CLGN: variants seen among roughly 807,000 people sequenced by gnomAD.
CLGN encodes calmegin.
A neutral mutation model predicts 79.1 loss-of-function variants in CLGN; 62 were observed. That is an observed-to-expected ratio of 0.78 (90% CI 0.64 to 0.97). The LOEUF (loss-of-function observed/expected upper bound fraction) is 0.97. Ranked by LOEUF, CLGN falls within the 50% of genes least tolerant of loss-of-function variation. The pLI is 0.00. For synonymous variants in CLGN, 225 were observed against 224.7 expected (o/e 1.00, Z -0.01); for missense variants, 647 against 715.5 (o/e 0.90, Z 1.09).
chr4:140,401,619 G>A (rs546360545), intron 6 of CLGN, among the ~76,000 whole-genome samples: 48 of 151,934 alleles, frequency 3.2e-4, no homozygotes, highest in African/African-American at 1.1e-3. Flanking sequence ...TTGGTTCTTC[G>A]GCCATTTTGT....
intron 1 of CLGN, 59 bp downstream of exon 1, chr4:140,427,478 C>G (rs938243732): frequency 6.6e-6 from 1 of 152,392 alleles, no homozygotes; most frequent in Admixed American, 6.5e-5. Flanking sequence ...CGCTTCCTCA[C>G]CCCAATCTGC....
At chr4:140,393,687 TA>T (rs1728817021) in intron 11 of CLGN, 138 bp downstream of exon 11, 3 of 716,752 alleles carry the variant, frequency 4.2e-6, no homozygotes, top group Non-Finnish European at 6.8e-6. Context: ...TACATAAACT[TA>T]TTCAAACACA....
intron 1 of CLGN, among the ~76,000 whole-genome samples, chr4:140,416,720 C>CAA (rs1729340353): frequency 6.6e-6 from 1 of 151,978 alleles, no homozygotes; most frequent in Non-Finnish European, 1.5e-5. Flanking sequence ...AGCTTACCAA[C>CAA]CAAAAAGAGT....
At chr4:140,424,829 T>G (rs1317850439) in intron 1 of CLGN, among the ~76,000 whole-genome samples, 1 of 152,242 alleles carries the variant, frequency 6.6e-6, no homozygotes, top group Non-Finnish European at 1.5e-5. Context: ...TTCTCTGCAC[T>G]GCTTCTGTGG....
At chr4:140,393,795 A>G in intron 11 of CLGN, 31 bp downstream of exon 11, 1 of 1,578,426 alleles carries the variant, frequency 6.3e-7, no homozygotes, top group Non-Finnish European at 8.7e-7. Context: ...ATTCATAGTT[A>G]TATCACTACT....
intron 6 of CLGN, among the ~76,000 whole-genome samples, chr4:140,401,078 A>G (rs1728990128): frequency 6.6e-6 from 1 of 152,122 alleles, no homozygotes; most frequent in Non-Finnish European, 1.5e-5. Context: ...AAATCCTACC[A>G]CTGCCTCTTA....
At position 140,392,681 on chromosome 4, in the gene CLGN, C is replaced by T. The variant is rs779493607; in HGVS notation, c.1396G>A (p.Ala466Thr). ...AACCAAAGCCATGGGTGCCCTTCAG[C>T]AGCTGCCATTAACTGTTTTAATACA... ...PGVLKQLMAA[A>T]EGHPWLWLIY... The change falls in exon 12 of 15, where the codon GCT becomes ACT. Residue 466 changes from alanine (A) to threonine (T), a missense_variant. Physicochemically the swap from Ala to Thr is moderately conservative, Grantham distance 58 (BLOSUM62 0). Coordinates refer to ENST00000325617, the MANE Select transcript of CLGN (RefSeq NM_004362.3). 1 of 1,608,602 alleles carries T rather than the reference C, an allele frequency of 6.2e-7. No homozygotes were observed. The highest frequency in any genetic ancestry group is 8.5e-7 in the Non-Finnish European group (1 of 1,178,002).
chr4:140,408,236 A>C (rs1729145002), intron 4 of CLGN, among the ~76,000 whole-genome samples: 1 of 152,180 alleles, frequency 6.6e-6, no homozygotes, highest in African/African-American at 2.4e-5. Context: ...CTAGAAGATA[A>C]CACCAGAAAA....
chr4:140,389,869 T>C (rs529148036), intron 14 of CLGN, among the ~76,000 whole-genome samples: 7 of 151,928 alleles, frequency 4.6e-5, no homozygotes, highest in Admixed American at 1.3e-4. Context: ...ATTCATTTCA[T>C]CACATGCAAG....
At position 140,393,856 on chromosome 4, in the gene CLGN, T is replaced by A. The variant is rs372543725; in HGVS notation, c.1335A>T (p.Arg445Ser). The A allele has an allele frequency of 6.2e-7, 1 of 1,613,708 alleles. No individual in the cohort carries two copies. The highest frequency in any genetic ancestry group is 1.1e-5 in the South Asian group (1 of 91,070). ...VADHWAADGW[R>S]WKIMIANANK... ...TAGCATTTGCTATCATTATTTTCCA[T>A]CTCCAACCATCTGCAGCCCAGTGAT... Residue 445 changes from arginine (R) to serine (S), a missense_variant, in exon 11 of 15, where the codon AGA (arginine) becomes AGT (serine). Physicochemically the swap from Arg to Ser is moderately radical, Grantham distance 110 (BLOSUM62 -1). Coordinates refer to ENST00000325617, the MANE Select transcript of CLGN (RefSeq NM_004362.3).
chr4:140,397,701 C>A (rs1041105274), intron 8 of CLGN, among the ~76,000 whole-genome samples: 1 of 151,850 alleles, frequency 6.6e-6, no homozygotes, highest in Non-Finnish European at 1.5e-5. Flanking sequence ...ATCGGGAGTT[C>A]GAGACCAGCC....
rs187101301 is a variant in CLGN, at chr4:140,399,168, A to G, written c.695-128T>C. On this transcript the variant is annotated intron_variant, in intron 7 of 14. Transcript: ENST00000325617. ...TTTTCCCAACCAGAAATAGAGGAAT[A>G]ACCAATGTATTGAACTAAAACATTC... 1.1e-3 allele frequency: 760 copies of G among 696,566 alleles called. 2 individuals are homozygous for G. The highest frequency in any genetic ancestry group is 1.5e-3 in the Non-Finnish European group (678 of 451,452). 43.1% of individuals were successfully genotyped at this position (696,566 alleles called of 1,614,324 possible). A position where few individuals can be genotyped will look rare whatever the true frequency, so the allele number is the denominator to read the frequency against.
intron 4 of CLGN, among the ~76,000 whole-genome samples, chr4:140,408,884 T>TATATACACAC: frequency 6.9e-6 from 1 of 145,592 alleles, no homozygotes; most frequent in East Asian, 2.0e-4. Flanking sequence ...TATATATATA[T>TATATACACAC]ACACACACAC....
chr4:140,413,643 T>C (rs1578604831), intron 1 of CLGN, among the ~76,000 whole-genome samples: 1 of 152,290 alleles, frequency 6.6e-6, no homozygotes, highest in East Asian at 1.9e-4. Flanking sequence ...ACTGCGCTTT[T>C]CCAACAGGCT....
At chr4:140,409,554 C>A (rs1729173376) in intron 4 of CLGN, among the ~76,000 whole-genome samples, 2 of 151,618 alleles carry the variant, frequency 1.3e-5, no homozygotes, top group South Asian at 4.2e-4. Flanking sequence ...ACAGCAGTAG[C>A]CTGGGAAATA....
At position 140,409,844 on chromosome 4, in the gene CLGN, T is replaced by C. The variant is rs893868313; in HGVS notation, c.270A>G (p.Ile90Met). The C allele has an allele frequency of 1.9e-6, 3 of 1,587,756 alleles. No individual in the cohort carries two copies. In the African/African-American group the frequency reaches 4.0e-5, roughly 21 times the overall value. Residue 90 changes from isoleucine to methionine, a missense_variant, in exon 4 of 15, where the codon ATA becomes ATG. Transcript: ENST00000325617. ...KKDDMDEEIS[I>M]YDGRWEIEEL... ...CTTAAATAAATATTTTACCATCGTATATTGAAATTTCCTCATCCATGTCAT... is the reference window on the plus strand; with the variant it reads ...CTTAAATAAATATTTTACCATCGTACATTGAAATTTCCTCATCCATGTCAT...
chr4:140,424,231 A>C (rs1729521335), intron 1 of CLGN, among the ~76,000 whole-genome samples: 2 of 152,008 alleles, frequency 1.3e-5, no homozygotes, highest in African/African-American at 4.8e-5. Context: ...CATTTGTCTC[A>C]AGATGTTTTT....
intron 8 of CLGN, among the ~76,000 whole-genome samples, chr4:140,397,663 TG>T (rs1476053909): frequency 1.3e-5 from 2 of 152,118 alleles, no homozygotes; most frequent in East Asian, 3.8e-4. Flanking sequence ...CTCAGCACTT[TG>T]GGAGGCTGAG....
At chr4:140,394,694 A>G (rs1728835937) in intron 10 of CLGN, among the ~76,000 whole-genome samples, 1 of 152,238 alleles carries the variant, frequency 6.6e-6, no homozygotes, top group South Asian at 2.1e-4. Context: ...AAAAAAATTT[A>G]CCAAAAGAAA....
Sources: allele counts gnomAD v4.1 joint callset (sites outside exome capture counted in the v4.1 genomes callset), GRCh38; gene constraint gnomAD v4.1.1; transcripts MANE v1.5; gene names NCBI Gene and HGNC (gene_info 2026-07-23, HGNC 2026-07-21).